GDA: variants seen among roughly 807,000 people sequenced by gnomAD.
GDA encodes the protein guanine deaminase, also known as cytoplasmic PSD-95 interactor.
Under a neutral mutation model 59.6 loss-of-function variants are expected in GDA, and 18 were observed. The observed-to-expected ratio is 0.30, with a 90% CI of 0.21 to 0.45. The LOEUF is 0.45. Among genes scored for constraint, GDA ranks in the 20% least tolerant of loss-of-function variants. The pLI, the probability that GDA is intolerant of heterozygous loss-of-function variation, is 1.00. For synonymous variants in GDA, 201 were observed against 201.1 expected (o/e 1.00, Z 0.00); for missense variants, 427 against 552.3 (o/e 0.77, Z 2.27).
At chr9:72,246,336 CAG>C (rs1301471153) in intron 12 of GDA, among the ~76,000 whole-genome samples, 7 of 152,150 alleles carry the variant, frequency 4.6e-5, no homozygotes, top group Admixed American at 2.0e-4. Flanking sequence ...TTGGTAGAGA[CAG>C]GGTTTCACCA....
chr9:72,196,883 G>A (rs566386224), intron 2 of GDA, among the ~76,000 whole-genome samples: 132 of 152,198 alleles, frequency 8.7e-4, no homozygotes, highest in Non-Finnish European at 1.7e-3. Context: ...GAAAGTCATG[G>A]CTTCTGGCAT....
intron 9 of GDA, chr9:72,228,936 T>C (rs1021684064): frequency 7.2e-5 from 11 of 151,960 alleles, no homozygotes; most frequent in African/African-American, 2.4e-4. Flanking sequence ...AAAAAGCCCA[T>C]GGATATTACA....
chr9:72,241,232 A>G lies in GDA; in HGVS notation c.1069A>G (p.Lys357Glu). 6.2e-7 allele frequency: 1 copy of G among 1,609,998 alleles called. No homozygotes were observed. The highest frequency in any genetic ancestry group is 8.5e-7 in the Non-Finnish European group (1 of 1,176,646). The change falls in exon 11 of 14, where the codon AAG becomes GAG. Residue 357 changes from lysine (K) to glutamate (E), a missense_variant. By Grantham distance (56) the Lys-to-Glu change is moderately conservative (BLOSUM62 1). Coordinates refer to ENST00000358399, the MANE Select transcript of GDA (RefSeq NM_004293.5). ...VMVSNILLIN[K>E]VNEKSLTLKE... ...GGTTTCCAATATCCTTTTAATTAAT[A>G]AGGTAAATGAGAAAAGCCTCACCCT...
chr9:72,184,177 C>T (rs1831594395), intron 1 of GDA, among the ~76,000 whole-genome samples: 1 of 152,144 alleles, frequency 6.6e-6, no homozygotes, highest in Admixed American at 6.5e-5. Flanking sequence ...CAGAATGCTA[C>T]ATTTGCAACA....
At chr9:72,137,771 A>ACCC (rs113933193) in intron 1 of GDA, among the ~76,000 whole-genome samples, 1 of 150,724 alleles carries the variant, frequency 6.6e-6, no homozygotes, top group African/African-American at 2.4e-5. Flanking sequence ...GTCATAACCC[A>ACCC]CCCCCCCACC....
chr9:72,123,127 C>G (rs1825720021), intron 1 of GDA, among the ~76,000 whole-genome samples: 1 of 151,742 alleles, frequency 6.6e-6, no homozygotes, highest in Admixed American at 6.6e-5. Context: ...TCTTGCTTAT[C>G]TCCCCATGAT....
At chr9:72,257,387 CCTT>C (rs1352975952), downstream of GDA, 2 of 152,214 alleles carry the variant, frequency 1.3e-5, no homozygotes, top group South Asian at 2.1e-4. Context: ...TCCTCTGTAG[CCTT>C]CTTATTTCCC....
At chr9:72,213,631 G>C (rs534939210) in intron 4 of GDA, among the ~76,000 whole-genome samples, 1 of 151,448 alleles carries the variant, frequency 6.6e-6, no homozygotes, top group African/African-American at 2.4e-5. Flanking sequence ...GTGAAACCCC[G>C]TCTCTACTAA....
At chr9:72,212,792 G>A (rs1835547834) in intron 4 of GDA, among the ~76,000 whole-genome samples, 1 of 152,134 alleles carries the variant, frequency 6.6e-6, no homozygotes. Flanking sequence ...TAGGAGACAG[G>A]AGGGAGATTG....
At chr9:72,141,612 T>G (rs1826443079) in intron 1 of GDA, among the ~76,000 whole-genome samples, 1 of 152,128 alleles carries the variant, frequency 6.6e-6, no homozygotes, top group African/African-American at 2.4e-5. Context: ...TGGAGTCCAA[T>G]CTCATTATGG....
intron 10 of GDA, among the ~76,000 whole-genome samples, chr9:72,231,719 CTTTTG>C (rs767140863): frequency 1.3e-5 from 2 of 152,204 alleles, no homozygotes; most frequent in Non-Finnish European, 2.9e-5. Flanking sequence ...AAGTCCTTGA[CTTTTG>C]TTTTGTTTTG....
intron 9 of GDA, 54 bp from the exon 10 acceptor site, chr9:72,231,060 T>G: frequency 1.0e-6 from 1 of 981,736 alleles, no homozygotes; most frequent in Admixed American, 1.7e-5. Flanking sequence ...TTAGTGTTCA[T>G]CTTTTATTGG....
At chr9:72,226,022 T>C (rs991741242) in intron 8 of GDA, among the ~76,000 whole-genome samples, 1 of 151,518 alleles carries the variant, frequency 6.6e-6, no homozygotes, top group African/African-American at 2.4e-5. Context: ...TGTGCGTGTG[T>C]GTGTGTGTGT....
At chr9:72,148,372 G>A (rs992667725), upstream of GDA, among the ~76,000 whole-genome samples, 3 of 150,668 alleles carry the variant, frequency 2.0e-5, no homozygotes, top group Admixed American at 6.6e-5. Flanking sequence ...AGGGAAACAG[G>A]AGTAAACTAA....
intron 10 of GDA, among the ~76,000 whole-genome samples, chr9:72,234,897 A>C (rs972896385): frequency 1.1e-4 from 16 of 152,260 alleles, no homozygotes; most frequent in Non-Finnish European, 1.8e-4. Flanking sequence ...AAGCAGTGTT[A>C]GCCAAGAATA....
At chr9:72,234,149 G>C (rs531343788) in intron 10 of GDA, among the ~76,000 whole-genome samples, 1 of 152,078 alleles carries the variant, frequency 6.6e-6, no homozygotes. Context: ...CCAGTGTGTG[G>C]GCTTAAAGAG....
At chr9:72,227,088 A>T (rs2131616412) in intron 8 of GDA, among the ~76,000 whole-genome samples, 1 of 152,304 alleles carries the variant, frequency 6.6e-6, no homozygotes, top group African/African-American at 2.4e-5. Context: ...ACTGCACTCC[A>T]GCCTGGGCGA....
At chr9:72,210,270 G>T (rs1835191270) in intron 3 of GDA, among the ~76,000 whole-genome samples, 1 of 152,172 alleles carries the variant, frequency 6.6e-6, no homozygotes, top group African/African-American at 2.4e-5. Flanking sequence ...GTTGTAGTTT[G>T]CGAAGGAAAG....
chr9:72,159,510 TA>T (rs909723307), intron 1 of GDA, among the ~76,000 whole-genome samples: 32 of 151,810 alleles, frequency 2.1e-4, no homozygotes, highest in African/African-American at 7.2e-4. Flanking sequence ...ATTCATGAAT[TA>T]AAAAAAAATT....
Sources: allele counts gnomAD v4.1 joint callset (sites outside exome capture counted in the v4.1 genomes callset), GRCh38; gene constraint gnomAD v4.1.1; transcripts MANE v1.5; gene names NCBI Gene and HGNC (gene_info 2026-07-23, HGNC 2026-07-21).